Variants in LRP1B observed in about 807,000 individuals in gnomAD.
LRP1B encodes the protein LDL receptor related protein 1B.
A neutral mutation model predicts 556.6 loss-of-function variants in LRP1B; 217 were observed. That is an observed-to-expected ratio of 0.39 (90% confidence interval 0.35 to 0.44). LRP1B has a LOEUF of 0.44. Ranked by LOEUF, LRP1B falls within the 20% of genes least tolerant of loss-of-function variation. The pLI is 1.00. For missense variants in LRP1B, 5,053 were observed against 5,620.8 expected (o/e 0.90, Z 3.23); for synonymous variants, 2,047 against 1,865.8 (o/e 1.10, Z -2.50).
intron 1 of LRP1B, among the ~76,000 whole-genome samples, chr2:141,961,818 T>A (rs1434079711): frequency 6.6e-6 from 1 of 151,708 alleles, no homozygotes; most frequent in Non-Finnish European, 1.5e-5. Context: ...AAGCCACCAA[T>A]GCCCATTGAA....
At chr2:141,485,392 G>T (rs545754567) in intron 2 of LRP1B, among the ~76,000 whole-genome samples, 2 of 152,278 alleles carry the variant, frequency 1.3e-5, no homozygotes, top group South Asian at 4.1e-4. Flanking sequence ...GGTGGCCCCA[G>T]GCCCCGGTAA....
At chr2:141,215,641 A>G (rs1682770367) in intron 6 of LRP1B, among the ~76,000 whole-genome samples, 1 of 152,216 alleles carries the variant, frequency 6.6e-6, no homozygotes, top group Non-Finnish European at 1.5e-5. Flanking sequence ...GAACTGGAGC[A>G]AAGTTCACAT....
At chr2:141,158,314 C>T (rs1702119731) in intron 7 of LRP1B, among the ~76,000 whole-genome samples, 1 of 152,106 alleles carries the variant, frequency 6.6e-6, no homozygotes, top group Non-Finnish European at 1.5e-5. Flanking sequence ...AGCAGCTGAA[C>T]TCAAATCATA....
chr2:141,369,136 A>G (rs1689142772), intron 3 of LRP1B, among the ~76,000 whole-genome samples: 1 of 152,120 alleles, frequency 6.6e-6, no homozygotes, highest in South Asian at 2.1e-4. Flanking sequence ...CCCACAACTA[A>G]CCAAAATAAA....
At chr2:140,323,046 T>A (rs942886083) in intron 81 of LRP1B, among the ~76,000 whole-genome samples, 2 of 152,028 alleles carry the variant, frequency 1.3e-5, no homozygotes, top group African/African-American at 4.8e-5. Context: ...TGGTTTTATC[T>A]GTTGTGAGAA....
chr2:141,596,526 T>C (rs1211184259), intron 2 of LRP1B, among the ~76,000 whole-genome samples: 1 of 152,036 alleles, frequency 6.6e-6, no homozygotes, highest in South Asian at 2.1e-4. Context: ...TAATTAATAA[T>C]AATAATGACA....
chr2:140,740,117 T>C (rs1688087337), intron 35 of LRP1B, among the ~76,000 whole-genome samples: 1 of 152,144 alleles, frequency 6.6e-6, no homozygotes, highest in Non-Finnish European at 1.5e-5. Flanking sequence ...AGTGTGGAAA[T>C]TCCTTAAAAA....
intron 14 of LRP1B, among the ~76,000 whole-genome samples, chr2:141,013,139 CTTTT>C (rs1263997111): frequency 6.6e-6 from 1 of 151,884 alleles, no homozygotes; most frequent in African/African-American, 2.4e-5. Flanking sequence ...TACTAAGATA[CTTTT>C]AAAAAATAAC....
chr2:140,583,167 TTTTC>T lies in LRP1B; in HGVS notation c.7194+15460_7194+15463del, dbSNP rs1486586071. On this transcript the variant is annotated intron_variant, in intron 43 of 90. Coordinates refer to ENST00000389484, the MANE Select transcript of LRP1B (RefSeq NM_018557.3). ...GTTTCTATTGACAGTTTCTCCTTTT[TTTTC>T]TTTTTTTTTTTTTTTTTTTTTTGAG... Among the ~76,000 whole-genome samples, 57 of 50,202 alleles carry T rather than the reference TTTTC, an allele frequency of 1.1e-3. 4 individuals carry two copies. The highest frequency in any genetic ancestry group is 0.011 in the Middle Eastern group (1 of 94). 32.9% of individuals were successfully genotyped at this position (50,202 alleles called of 152,430 possible).
At chr2:141,576,454 C>T (rs985929246) in intron 2 of LRP1B, among the ~76,000 whole-genome samples, 3 of 151,556 alleles carry the variant, frequency 2.0e-5, no homozygotes, top group African/African-American at 7.3e-5. Flanking sequence ...TGTTGGGGAG[C>T]GGGGGATGAG....
At chr2:141,746,401 C>T (rs1456575009) in intron 2 of LRP1B, among the ~76,000 whole-genome samples, 1 of 152,034 alleles carries the variant, frequency 6.6e-6, no homozygotes. Context: ...TGAGTTCAGC[C>T]CAGTTTTGCT....
At chr2:140,293,264 C>T (rs991402180) in intron 84 of LRP1B, among the ~76,000 whole-genome samples, 2 of 152,102 alleles carry the variant, frequency 1.3e-5, no homozygotes, top group Admixed American at 1.3e-4. Flanking sequence ...ATTGGTTAAC[C>T]TCATGCTTAA....
intron 7 of LRP1B, among the ~76,000 whole-genome samples, chr2:141,075,405 T>C (rs554765048): frequency 6.6e-6 from 1 of 152,318 alleles, no homozygotes; most frequent in South Asian, 2.1e-4. Flanking sequence ...TAAGTCTACC[T>C]GTTTTATAAG....
intron 1 of LRP1B, among the ~76,000 whole-genome samples, chr2:142,113,904 C>T (rs116496956): frequency 0.043 from 6,548 of 152,184 alleles, 229 homozygotes; most frequent in Non-Finnish European, 0.058. Context: ...GCTGTGATCA[C>T]TGGAAACATC....
chr2:141,704,975 T>C (rs993310947), intron 2 of LRP1B, among the ~76,000 whole-genome samples: 2 of 152,036 alleles, frequency 1.3e-5, no homozygotes, highest in Admixed American at 6.6e-5. Flanking sequence ...ACTGGTTATA[T>C]AGTAAAAGGT....
chr2:140,306,741 G>A (rs1684085023), intron 83 of LRP1B, among the ~76,000 whole-genome samples: 1 of 151,566 alleles, frequency 6.6e-6, no homozygotes, highest in Non-Finnish European at 1.5e-5. Flanking sequence ...TCTTTTAATT[G>A]TGATGTTAGG....
At chr2:141,640,856 T>C (rs1689303779) in intron 2 of LRP1B, among the ~76,000 whole-genome samples, 2 of 152,156 alleles carry the variant, frequency 1.3e-5, no homozygotes, top group Admixed American at 6.6e-5. Flanking sequence ...CTATTGGTTC[T>C]TCCCCAATAA....
At chr2:140,955,772 A>G (rs1695854424) in intron 18 of LRP1B, among the ~76,000 whole-genome samples, 1 of 151,650 alleles carries the variant, frequency 6.6e-6, no homozygotes, top group South Asian at 2.1e-4. Flanking sequence ...CTTATATTTA[A>G]CCAGTATACA....
At chr2:140,875,942 T>C (rs1298812406) in intron 25 of LRP1B, among the ~76,000 whole-genome samples, 4 of 152,190 alleles carry the variant, frequency 2.6e-5, no homozygotes, top group Non-Finnish European at 5.9e-5. Flanking sequence ...ATGGTGTCTT[T>C]GACTATGACT....
Sources: gnomAD v4.1 joint callset for allele counts (sites outside exome capture counted in the v4.1 genomes callset) on GRCh38, gnomAD v4.1.1 for gene constraint, MANE v1.5 for transcripts, NCBI Gene and HGNC (gene_info 2026-07-23, HGNC 2026-07-21) for gene names.